DUSP16: variants seen among roughly 807,000 people sequenced by gnomAD.
The protein encoded by DUSP16 is dual specificity protein phosphatase 16.
DUSP16 carries 21 observed loss-of-function variants against 58.3 expected under a neutral mutation model. The ratio of observed to expected loss-of-function variants is 0.36; its 90% CI spans 0.26 to 0.52. DUSP16 has a LOEUF of 0.52. Ranked by LOEUF, DUSP16 falls within the 20% of genes least tolerant of loss-of-function variation. The pLI is 0.94. For synonymous variants in DUSP16, 320 were observed against 323.8 expected (o/e 0.99, Z 0.12); for missense variants, 726 against 819.0 (o/e 0.89, Z 1.39).
At chr12:12,532,090 G>A (rs901714698) in intron 1 of DUSP16, among the ~76,000 whole-genome samples, 13 of 152,140 alleles carry the variant, frequency 8.5e-5, no homozygotes, top group African/African-American at 2.9e-4. Flanking sequence ...CCCGGGAAGC[G>A]GAGCTTGCAG....
intron 1 of DUSP16, among the ~76,000 whole-genome samples, chr12:12,540,130 T>A (rs1216874737): frequency 5.0e-5 from 7 of 139,870 alleles, no homozygotes; most frequent in Admixed American, 2.1e-4. Flanking sequence ...GACTCTACTT[T>A]AAAAAAAAAA....
At chr12:12,486,924 G>GA in intron 5 of DUSP16, 104 bp downstream of exon 5, 1 of 1,381,680 alleles carries the variant, frequency 7.2e-7, no homozygotes, top group South Asian at 1.3e-5. Context: ...TGAAATCTCT[G>GA]AAATAGGCTC....
rs750017272 is a variant in DUSP16 at position 12,477,033 on chromosome 12, G to A, written c.1798C>T (p.Arg600Trp). 3.1e-6 allele frequency: 5 copies of A among 1,614,244 alleles called. No homozygotes were observed. Among genetic ancestry groups the A allele is most frequent in the Middle Eastern group, 1.6e-4 (1 of 6,062 alleles). The change falls in exon 7 of 7, where the codon CGG (arginine) becomes TGG (tryptophan). Residue 600 changes from arginine (R) to tryptophan (W), a missense_variant. Physicochemically the swap from Arg to Trp is moderately radical, Grantham distance 101. Transcript: ENST00000298573. The surrounding 1 kb of genome is among the most constrained non-coding windows in gnomAD (Gnocchi z 4.1). ...CGDQVYSVRR[R>W]QKPSDRADSR... The stretch of plus-strand genomic sequence containing the variant: ...TCAGCTCTGTCACTTGGCTTCTGCC[G>A]CCTGCGCACAGAATAGACTTGGTCT...
intron 5 of DUSP16, among the ~76,000 whole-genome samples, chr12:12,482,854 G>T (rs990456002): frequency 1.3e-5 from 2 of 152,132 alleles, no homozygotes; most frequent in African/African-American, 4.8e-5. Flanking sequence ...AGGACTACAG[G>T]TGCACACCAC....
chr12:12,488,573 G>A (rs1302312388), intron 4 of DUSP16, among the ~76,000 whole-genome samples: 1 of 152,128 alleles, frequency 6.6e-6, no homozygotes, highest in African/African-American at 2.4e-5. Flanking sequence ...TGCCTCTCAG[G>A]AGACGTTCCA....
At chr12:12,480,844 G>C (rs1343055785) in intron 5 of DUSP16, among the ~76,000 whole-genome samples, 1 of 152,124 alleles carries the variant, frequency 6.6e-6, no homozygotes, top group Non-Finnish European at 1.5e-5. Flanking sequence ...TTAGCCTCCA[G>C]AGTAGCTGGG....
At chr12:12,546,778 A>AG (rs1944646904) in intron 1 of DUSP16, among the ~76,000 whole-genome samples, 1 of 152,218 alleles carries the variant, frequency 6.6e-6, no homozygotes, top group African/African-American at 2.4e-5. Context: ...TGTCAGCATG[A>AG]GAACATTTTA....
chr12:12,491,133 T>A (rs1943754830), intron 4 of DUSP16: 1 of 151,796 alleles, frequency 6.6e-6, no homozygotes, highest in Non-Finnish European at 1.5e-5. Flanking sequence ...TTCATGTAAC[T>A]GTTGTTAGTT....
chr12:12,534,702 T>C (rs1163739949), intron 1 of DUSP16, among the ~76,000 whole-genome samples: 2 of 152,232 alleles, frequency 1.3e-5, no homozygotes, highest in Non-Finnish European at 2.9e-5. Flanking sequence ...AGTCCCTTGA[T>C]GTACTGCTAT....
intron 1 of DUSP16, chr12:12,554,491 T>A (rs1243017586): frequency 6.6e-6 from 1 of 152,160 alleles, no homozygotes; most frequent in Non-Finnish European, 1.5e-5. Context: ...TAGGGACATT[T>A]CCAAATATAC....
intron 1 of DUSP16, among the ~76,000 whole-genome samples, chr12:12,538,489 A>C (rs903966537): frequency 5.3e-5 from 8 of 152,248 alleles, no homozygotes; most frequent in Non-Finnish European, 7.3e-5. Flanking sequence ...CAGTGGTAAA[A>C]GACAGAAAAT....
intron 3 of DUSP16, among the ~76,000 whole-genome samples, chr12:12,515,692 G>A (rs1225823562): frequency 6.6e-6 from 1 of 151,374 alleles, no homozygotes; most frequent in Non-Finnish European, 1.5e-5. Context: ...TCTTTAAATT[G>A]TACTTATTCA....
At position 12,478,050 on chromosome 12, in the gene DUSP16, T is replaced by C. The variant is rs369711052; in HGVS notation, c.816-35A>G. ...GAGGAAAAAACAAAAACCCGAATTT[T>C]ACAACTACACTTTATCTTAAGAATA... On this transcript the variant is annotated intron_variant, in intron 6 of 6. Coordinates refer to ENST00000298573, the MANE Select transcript of DUSP16 (RefSeq NM_030640.3). The C allele has an allele frequency of 2.1e-5, 30 of 1,453,732 alleles. No homozygotes were observed. The African/African-American group carries it at 4.3e-4, about 21-fold the overall frequency. The allele number at this position is 1,453,732 out of a possible 1,614,324, so 90.1% of individuals were successfully genotyped here.
chr12:12,547,849 G>T (rs1592210382), intron 1 of DUSP16, among the ~76,000 whole-genome samples: 1 of 152,166 alleles, frequency 6.6e-6, no homozygotes, highest in African/African-American at 2.4e-5. Context: ...GACACAAGAG[G>T]TTAGCTGGTA....
At chr12:12,485,625 CT>C (rs1342214811) in intron 5 of DUSP16, among the ~76,000 whole-genome samples, 2 of 152,102 alleles carry the variant, frequency 1.3e-5, no homozygotes, top group African/African-American at 4.8e-5. Context: ...ATCCTCCCAC[CT>C]CAGCCTCCCG....
intron 1 of DUSP16, among the ~76,000 whole-genome samples, chr12:12,558,750 G>C (rs930266618): frequency 2.0e-5 from 3 of 151,272 alleles, no homozygotes; most frequent in African/African-American, 7.3e-5. Context: ...TCTAACCCCA[G>C]TCAAGAAGGG....
chr12:12,504,691 TAAAAAAA>T (rs57833371), intron 3 of DUSP16, among the ~76,000 whole-genome samples: 1 of 119,140 alleles, frequency 8.4e-6, no homozygotes. Context: ...CAATCTCTGT[TAAAAAAA>T]AAAAAAAAAA....
chr12:12,529,824 T>C (rs1169950672), intron 1 of DUSP16, among the ~76,000 whole-genome samples: 1 of 152,200 alleles, frequency 6.6e-6, no homozygotes, highest in Non-Finnish European at 1.5e-5. Context: ...CTTAACACAA[T>C]GTCCTCCAGG....
chr12:12,547,604 A>ACTC (rs1944665570), intron 1 of DUSP16, among the ~76,000 whole-genome samples: 1 of 150,400 alleles, frequency 6.6e-6, no homozygotes, highest in African/African-American at 2.4e-5. Flanking sequence ...AAGCTCTACT[A>ACTC]CTCCAGGCCA....
Sources: gnomAD v4.1 joint callset for allele counts (sites outside exome capture counted in the v4.1 genomes callset) on GRCh38, gnomAD v4.1.1 for gene constraint, Gnocchi (gnomAD v3.1) non-coding constraint, MANE v1.5 for transcripts, NCBI Gene and HGNC (gene_info 2026-07-23, HGNC 2026-07-21) for gene names.